TRDN: variants seen among roughly 807,000 people sequenced by gnomAD.
TRDN encodes the protein triadin, also known as triadin in skeletal muscle.
A neutral mutation model predicts 149.7 loss-of-function variants in TRDN; 161 were observed. That is an observed-to-expected ratio of 1.08 (90% CI 0.95 to 1.23). The LOEUF is 1.23. Ranked by LOEUF, TRDN falls within the 50% of genes most tolerant of loss-of-function variation. The pLI is 0.00. For synonymous variants in TRDN, 294 were observed against 250.5 expected (o/e 1.17, Z -1.64); for missense variants, 896 against 823.5 (o/e 1.09, Z -1.08).
At chr6:123,614,315 CA>C (rs1171351803) in intron 1 of TRDN, among the ~76,000 whole-genome samples, 13 of 77,466 alleles carry the variant, frequency 1.7e-4, no homozygotes, top group Admixed American at 6.3e-4. Context: ...AAAAAAAAAA[CA>C]AAAAAAACCC....
intron 22 of TRDN, among the ~76,000 whole-genome samples, chr6:123,336,024 T>C (rs577647351): frequency 6.6e-6 from 1 of 152,106 alleles, no homozygotes; most frequent in African/African-American, 2.4e-5. Context: ...AAAAATAGAT[T>C]AAGCCCATCT....
chr6:123,448,384 C>T (rs774061724), intron 10 of TRDN, among the ~76,000 whole-genome samples: 13 of 152,120 alleles, frequency 8.5e-5, no homozygotes, highest in Non-Finnish European at 1.8e-4. Flanking sequence ...CAGACTTGGG[C>T]TGTTGGCGGG....
At position 123,366,152 on chromosome 6, in the gene TRDN, G is replaced by A. The variant is rs370712881; in HGVS notation, c.1304C>T (p.Ala435Val). ...GCATTTACCTTTTTTAATTGAAACC[G>A]CACCAATCTCCTCTTTGGCTCGTTC... ...KTERAKEEIGAVSIKKAVPGK... is the reference protein window; with the variant it reads ...KTERAKEEIGVVSIKKAVPGK... The change falls in exon 20 of 41, where the codon GCG (alanine) becomes GTG (valine). Residue 435 changes from alanine (A) to valine (V), a missense_variant. Physicochemically the swap from Ala to Val is moderately conservative, Grantham distance 64 (BLOSUM62 0). Coordinates refer to ENST00000334268, the MANE Select transcript of TRDN (RefSeq NM_006073.4). 4.9e-5 allele frequency: 79 copies of A among 1,612,256 alleles called. No homozygotes were observed. The highest frequency in any genetic ancestry group is 1.7e-4 in the Middle Eastern group (1 of 6,054).
At chr6:123,491,104 CAA>C (rs5879684) in intron 9 of TRDN, among the ~76,000 whole-genome samples, 31 of 117,534 alleles carry the variant, frequency 2.6e-4, no homozygotes, top group East Asian at 2.4e-3. Flanking sequence ...GACTACATCT[CAA>C]AAAAAAAAAA....
chr6:123,268,099 T>C (rs1457340294), intron 31 of TRDN, among the ~76,000 whole-genome samples: 1 of 152,102 alleles, frequency 6.6e-6, no homozygotes, highest in African/African-American at 2.4e-5. Flanking sequence ...GGGACATTTT[T>C]AGTGGATGGT....
At position 123,585,649 on chromosome 6, in the gene TRDN, A is replaced by C. The variant is rs370028559; in HGVS notation, c.23-14517T>G. ...GGAGTGGCTGCCGGGTGAGTTGGACAGTCCGATTTCCAGTGGGGTTCCGTA... is the reference window on the plus strand; with the variant it reads ...GGAGTGGCTGCCGGGTGAGTTGGACCGTCCGATTTCCAGTGGGGTTCCGTA... On this transcript the variant is annotated intron_variant, in intron 1 of 40. Coordinates refer to ENST00000334268, the MANE Select transcript of TRDN (RefSeq NM_006073.4). Among the ~76,000 whole-genome samples, 35 of 152,282 alleles carry C rather than the reference A, an allele frequency of 2.3e-4. 1 individual carries two copies. The East Asian group carries it at 5.2e-3, about 23-fold the overall frequency.
chr6:123,586,074 T>C (rs1301697591), intron 1 of TRDN, among the ~76,000 whole-genome samples: 3 of 151,830 alleles, frequency 2.0e-5, no homozygotes, highest in African/African-American at 7.3e-5. Flanking sequence ...GCCAAACGAG[T>C]CATGAACTGG....
intron 1 of TRDN, among the ~76,000 whole-genome samples, chr6:123,572,652 A>G (rs1013896760): frequency 1.3e-5 from 2 of 152,152 alleles, no homozygotes; most frequent in Non-Finnish European, 2.9e-5. Context: ...AAGTAATTGA[A>G]TACTTAAGGG....
At chr6:123,565,881 G>A (rs1782269209) in intron 2 of TRDN, among the ~76,000 whole-genome samples, 1 of 152,200 alleles carries the variant, frequency 6.6e-6, no homozygotes, top group African/African-American at 2.4e-5. Flanking sequence ...AGACAAACAA[G>A]TCTTCCACTT....
chr6:123,505,845 G>A (rs867895486), intron 7 of TRDN, among the ~76,000 whole-genome samples: 5 of 151,772 alleles, frequency 3.3e-5, no homozygotes, highest in Non-Finnish European at 5.9e-5. Context: ...GATTACACGC[G>A]CCTATCACCA....
At chr6:123,271,262 A>C in intron 29 of TRDN, 76 bp from the exon 30 acceptor site, 1 of 1,088,350 alleles carries the variant, frequency 9.2e-7, no homozygotes, top group Non-Finnish European at 1.3e-6. Context: ...TGATTTTTGT[A>C]TTCTTTTGAA....
intron 5 of TRDN, among the ~76,000 whole-genome samples, chr6:123,518,362 A>G (rs1020974042): frequency 1.3e-5 from 2 of 152,202 alleles, no homozygotes; most frequent in Admixed American, 1.3e-4. Context: ...AATTAAGCAG[A>G]AAACCAAGAG....
chr6:123,503,689 C>T (rs1254582236), intron 8 of TRDN, 30 bp downstream of exon 8: 2 of 1,612,806 alleles, frequency 1.2e-6, no homozygotes, highest in South Asian at 1.1e-5. Context: ...CTCTTAGAAC[C>T]TCCGGCAGCC....
At chr6:123,235,242 A>C (rs2114530671) in intron 38 of TRDN, among the ~76,000 whole-genome samples, 1 of 152,188 alleles carries the variant, frequency 6.6e-6, no homozygotes, top group African/African-American at 2.4e-5. Context: ...TCCCAAAGGA[A>C]GTTAGACTGA....
chr6:123,339,060 T>C (rs958004487), intron 21 of TRDN, among the ~76,000 whole-genome samples: 4 of 152,068 alleles, frequency 2.6e-5, no homozygotes, highest in Admixed American at 6.6e-5. Context: ...GTTGCCAGGC[T>C]GGAGTGCAGT....
intron 14 of TRDN, among the ~76,000 whole-genome samples, chr6:123,386,755 C>T (rs1322408036): frequency 2.0e-5 from 3 of 152,150 alleles, no homozygotes; most frequent in Non-Finnish European, 2.9e-5. Flanking sequence ...TCAGCAATGA[C>T]GTGTCCCCAA....
At chr6:123,559,062 C>G (rs1286129995) in intron 2 of TRDN, among the ~76,000 whole-genome samples, 1 of 152,182 alleles carries the variant, frequency 6.6e-6, no homozygotes, top group Non-Finnish European at 1.5e-5. Context: ...CCAAGGCTCT[C>G]TGACTGACTC....
chr6:123,400,165 G>GTATATATATATATATA (rs1772898121), intron 12 of TRDN, among the ~76,000 whole-genome samples: 1 of 18,398 alleles, frequency 5.4e-5, no homozygotes, highest in Admixed American at 5.9e-4. Flanking sequence ...GAATATGTAT[G>GTATATATATATATATA]TGTATATATA....
chr6:123,366,391 G>C (rs1781101286), intron 19 of TRDN, among the ~76,000 whole-genome samples: 1 of 152,050 alleles, frequency 6.6e-6, no homozygotes, highest in Non-Finnish European at 1.5e-5. Flanking sequence ...CTCTTCCAAG[G>C]TGCAACTCTA....
Sources: gnomAD v4.1 joint callset for allele counts (sites outside exome capture counted in the v4.1 genomes callset) on GRCh38, gnomAD v4.1.1 for gene constraint, MANE v1.5 for transcripts, NCBI Gene and HGNC (gene_info 2026-07-23, HGNC 2026-07-21) for gene names.